Variants in RNF7 observed in about 807,000 individuals in gnomAD.
RNF7 encodes RING-box protein 2.
A neutral mutation model predicts 17.0 loss-of-function variants in RNF7; 9 were observed. The ratio of observed to expected loss-of-function variants is 0.53; its 90% CI spans 0.32 to 0.92. The LOEUF (loss-of-function observed/expected upper bound fraction) is 0.92. Among genes scored for constraint, RNF7 ranks in the 40% least tolerant of loss-of-function variants. The pLI, the probability that RNF7 is intolerant of heterozygous loss-of-function variation, is 0.04. For synonymous variants in RNF7, 59 were observed against 50.5 expected (o/e 1.17, Z -0.72); for missense variants, 87 against 145.8 (o/e 0.60, Z 2.08).
chr3:141,744,298 A>AC (rs1471745140), intron 2 of RNF7, among the ~76,000 whole-genome samples: 1 of 151,230 alleles, frequency 6.6e-6, no homozygotes, highest in East Asian at 1.9e-4. Context: ...CTTGCTTCCT[A>AC]CCCCCTGTAG....
rs1309949647 is a variant in RNF7, at chr3:141,746,536, G to A, written c.*1259G>A. 1 of 151,692 alleles carries A rather than the reference G, an allele frequency of 6.6e-6. No homozygotes were observed. The highest frequency in any genetic ancestry group is 1.5e-5 in the Non-Finnish European group (1 of 67,992). The allele number at this position is 151,692 out of a possible 1,614,324, so 9.4% of individuals were successfully genotyped here. A position where few individuals can be genotyped will look rare whatever the true frequency, so the allele number is the denominator to read the frequency against. ...ATTTAAGGTTTATTACCTGGAAAGA[G>A]TGCAAGAAAATACTAAACAACTTTA... On this transcript the variant is annotated 3_prime_UTR_variant, in exon 3 of 3. Transcript: ENST00000273480.
chr3:141,745,151 T>C lies in RNF7; in HGVS notation c.224-8T>C, dbSNP rs761245412. 12 of 1,580,618 alleles carry C rather than the reference T, an allele frequency of 7.6e-6. No individual in the cohort carries two copies. The East Asian group carries it at 2.7e-4, about 35-fold the overall frequency. On this transcript the variant is annotated splice_polypyrimidine_tract_variant and splice_region_variant and intron_variant, in intron 2 of 2. Transcript: ENST00000273480. The stretch of plus-strand genomic sequence containing the variant: ...TGTAATGTCAACTCTTCTTTTTCTT[T>C]CTTTCAGTGGTCTGGGGAGAATGTA...
In RNF7 at chr3:141,738,319, G is replaced by C; in HGVS notation, c.-23G>C. 1.4e-6 allele frequency: 2 copies of C among 1,389,628 alleles called. No homozygotes were observed. Among genetic ancestry groups the C allele is most frequent in the Non-Finnish European group, 1.9e-6 (2 of 1,045,390 alleles). 86.1% of individuals were successfully genotyped at this position (1,389,628 alleles called of 1,614,324 possible). ...CCGCCTTCCCCAAGCCAACGTCTCC[G>C]CCGTCGGCTCCGCGGCGCCGCCATG... On this transcript the variant is annotated 5_prime_UTR_variant, in exon 1 of 3. Coordinates refer to ENST00000273480, the MANE Select transcript of RNF7 (RefSeq NM_014245.5).
Position 141,738,313 on chromosome 3 carries a change from G to A in RNF7, c.-29G>A. The A allele has an allele frequency of 7.6e-7, 1 of 1,316,514 alleles. No individual in the cohort carries two copies. Among genetic ancestry groups the A allele is most frequent in the Non-Finnish European group, 1.0e-6 (1 of 996,620 alleles). 81.6% of individuals were successfully genotyped at this position (1,316,514 alleles called of 1,614,324 possible). The stretch of plus-strand genomic sequence containing the variant: ...AGCCTTCCGCCTTCCCCAAGCCAAC[G>A]TCTCCGCCGTCGGCTCCGCGGCGCC... On this transcript the variant is annotated 5_prime_UTR_variant, in exon 1 of 3. Transcript: ENST00000273480.
chr3:141,745,469 A>G lies in RNF7; in HGVS notation c.*192A>G. On this transcript the variant is annotated 3_prime_UTR_variant, in exon 3 of 3. Coordinates refer to ENST00000273480, the MANE Select transcript of RNF7 (RefSeq NM_014245.5). ...GTTTTATCTTCAGAAATTCTCTGCG[A>G]TTAAGAAGATAATTTATTAAAGGTG... 2.5e-6 allele frequency: 1 copy of G among 403,098 alleles called. No homozygotes were observed. Among genetic ancestry groups the G allele is most frequent in the East Asian group, 4.5e-5 (1 of 22,326 alleles). 25.0% of individuals were successfully genotyped at this position (403,098 alleles called of 1,614,324 possible). A position where few individuals can be genotyped will look rare whatever the true frequency, so the allele number is the denominator to read the frequency against.
intron 2 of RNF7, among the ~76,000 whole-genome samples, chr3:141,744,447 A>G (rs1005625175): frequency 4.6e-5 from 7 of 152,084 alleles, no homozygotes; most frequent in African/African-American, 1.7e-4. Context: ...GATGAATCCC[A>G]AATTCGAGAT....
At chr3:141,742,734 C>A in intron 1 of RNF7, 1 of 1,275,794 alleles carries the variant, frequency 7.8e-7, no homozygotes, top group Non-Finnish European at 1.0e-6. Flanking sequence ...GGCTCCACAG[C>A]CCTCGCTGTC....
At chr3:141,743,308 C>T (rs1321813717) in intron 1 of RNF7, among the ~76,000 whole-genome samples, 1 of 152,080 alleles carries the variant, frequency 6.6e-6, no homozygotes, top group Non-Finnish European at 1.5e-5. Flanking sequence ...TTTGTTAACC[C>T]TTGTGAAATT....
intron 1 of RNF7, chr3:141,742,704 T>A: frequency 2.4e-6 from 3 of 1,228,228 alleles, no homozygotes. Flanking sequence ...GCCAGTGAAA[T>A]GGGATTTGAC....
intron 1 of RNF7, among the ~76,000 whole-genome samples, chr3:141,741,953 T>C (rs973876543): frequency 3.3e-5 from 5 of 152,092 alleles, no homozygotes; most frequent in Non-Finnish European, 7.3e-5. Context: ...GGTAAATACT[T>C]TGGGCTCAGA....
chr3:141,739,583 T>G (rs979117218), intron 1 of RNF7, among the ~76,000 whole-genome samples: 1 of 152,180 alleles, frequency 6.6e-6, no homozygotes, highest in African/African-American at 2.4e-5. Context: ...GTGACTTGTC[T>G]TGAAAAATGA....
intron 2 of RNF7, among the ~76,000 whole-genome samples, chr3:141,744,133 T>G (rs1368477745): frequency 6.6e-6 from 1 of 152,146 alleles, no homozygotes; most frequent in East Asian, 1.9e-4. Context: ...TATAAACATG[T>G]TTATAGATTT....
intron 1 of RNF7, chr3:141,742,760 G>T (rs2084433444): frequency 7.8e-7 from 1 of 1,284,068 alleles, no homozygotes; most frequent in African/African-American, 1.5e-5. Context: ...TGTCTCACTG[G>T]CTTCTCACCA....
intron 1 of RNF7, 100 bp downstream of exon 1, chr3:141,738,616 C>G: frequency 7.8e-7 from 1 of 1,283,986 alleles, no homozygotes; most frequent in Non-Finnish European, 1.0e-6. Context: ...CGGAAAGTGC[C>G]CTGCCTGGGA....
At chr3:141,744,971 A>G (rs1274079065) in intron 2 of RNF7, among the ~76,000 whole-genome samples, 188 bp from the exon 3 acceptor site, 1 of 152,214 alleles carries the variant, frequency 6.6e-6, no homozygotes, top group Non-Finnish European at 1.5e-5. Flanking sequence ...GCTCTCAAAC[A>G]GTGACTTATG....
At position 141,745,521 on chromosome 3, in the gene RNF7, C is replaced by T. The variant is rs1055287352; in HGVS notation, c.*244C>T. The stretch of plus-strand genomic sequence containing the variant: ...TCCTTCCTACCTCTGTGGTGTGTGT[C>T]GCGCACACAGCTTAGAAGTGCTATA... On this transcript the variant is annotated 3_prime_UTR_variant, in exon 3 of 3. Transcript: ENST00000273480. 4 of 269,298 alleles carry T rather than the reference C, an allele frequency of 1.5e-5. No individual in the cohort carries two copies. The highest frequency in any genetic ancestry group is 5.0e-5 in the Admixed American group (1 of 20,088). The allele number at this position is 269,298 out of a possible 1,614,324, so 16.7% of individuals were successfully genotyped here. A position where few individuals can be genotyped will look rare whatever the true frequency, so the allele number is the denominator to read the frequency against.
At chr3:141,743,907 T>A (rs1308236519) in intron 2 of RNF7, among the ~76,000 whole-genome samples, 1 of 152,222 alleles carries the variant, frequency 6.6e-6, no homozygotes, top group African/African-American at 2.4e-5. Context: ...TTGGTTCTAA[T>A]AAGGCATTTC....
At chr3:141,743,007 A>C in intron 1 of RNF7, 1 of 636,100 alleles carries the variant, frequency 1.6e-6, no homozygotes. Context: ...TGAGGAAGTT[A>C]TGTATATTAC....
chr3:141,742,042 T>C (rs1012584412), intron 1 of RNF7, among the ~76,000 whole-genome samples: 3 of 151,950 alleles, frequency 2.0e-5, no homozygotes, highest in Non-Finnish European at 2.9e-5. Flanking sequence ...GGTTGTTACA[T>C]AGATAAACTT....
Sources: gnomAD v4.1 joint callset for allele counts (sites outside exome capture counted in the v4.1 genomes callset) on GRCh38, gnomAD v4.1.1 for gene constraint, MANE v1.5 for transcripts, NCBI Gene and HGNC (gene_info 2026-07-23, HGNC 2026-07-21) for gene names.